TP53BP1: variants seen among roughly 807,000 people sequenced by gnomAD.
TP53BP1 encodes the protein tumor protein p53 binding protein 1.
TP53BP1 carries 61 observed loss-of-function variants against 200.8 expected under a neutral mutation model. That is an observed-to-expected ratio of 0.30 (90% CI 0.25 to 0.38). The LOEUF is 0.38. TP53BP1 is among the 10% of genes least tolerant of loss of function. The probability of loss-of-function intolerance (pLI) is 1.00; values close to 1 mark genes in which losing one functional copy is unlikely to be tolerated. For synonymous variants in TP53BP1, 822 were observed against 844.3 expected, an observed-to-expected ratio of 0.97 and a Z score of 0.46; for missense variants, 2,144 against 2,371.9, an observed-to-expected ratio of 0.90 and a Z score of 2.00.
At chr15:43,425,056 C>T (rs1434771051) in intron 18 of TP53BP1, among the ~76,000 whole-genome samples, 1 of 152,116 alleles carries the variant, frequency 6.6e-6, no homozygotes, top group Non-Finnish European at 1.5e-5. Flanking sequence ...AATGTGATAC[C>T]CTGTGTTGCC....
In TP53BP1 at chr15:43,420,445, T is replaced by C. The variant is rs1370979140; in HGVS notation, c.4541A>G (p.Asp1514Gly). ...GYFYSGKITR[D>G]VGAGKYKLLF... is the part of the protein sequence containing the mutation. Reference sequence around the variant, plus strand: ...CAATTTATACTTCCCAGCTCCGACATCTCGTGTGATTTTCCCAGAGTAAAA... The same window carrying C: ...CAATTTATACTTCCCAGCTCCGACACCTCGTGTGATTTTCCCAGAGTAAAA... The change falls in exon 21 of 28, where the codon GAT becomes GGT. Residue 1514 changes from aspartate (D) to glycine (G), a missense_variant. Asp to Gly is a moderately conservative substitution (Grantham distance 94). Around this residue, in one of 4 missense-constraint regions of TP53BP1, gnomAD observed 61 missense variants for 147.5 expected, o/e 0.41. Coordinates refer to ENST00000382044, the MANE Select transcript of TP53BP1 (RefSeq NM_001141980.3). 6.2e-7 allele frequency: 1 copy of C among 1,614,144 alleles called. No individual in the cohort carries two copies. Among genetic ancestry groups the C allele is most frequent in the Non-Finnish European group, 8.5e-7 (1 of 1,180,036 alleles).
upstream of TP53BP1, among the ~76,000 whole-genome samples, chr15:43,495,592 C>T (rs78331338): frequency 2.0e-5 from 3 of 151,330 alleles, no homozygotes; most frequent in East Asian, 2.0e-4. Flanking sequence ...CCAAGTCGGG[C>T]AGATCACGAG....
chr15:43,426,484 G>A (rs1018039307), intron 18 of TP53BP1, among the ~76,000 whole-genome samples: 6 of 147,180 alleles, frequency 4.1e-5, no homozygotes, highest in African/African-American at 2.5e-5. Flanking sequence ...ATTACTCAAT[G>A]AGTGTCTGTA....
intron 18 of TP53BP1, among the ~76,000 whole-genome samples, chr15:43,425,490 G>A (rs540004245): frequency 6.3e-4 from 96 of 152,250 alleles, no homozygotes; most frequent in African/African-American, 2.1e-3. Context: ...ATGTGGTAGC[G>A]TGTGCCTATG....
chr15:43,445,776 C>G (rs761549376), intron 14 of TP53BP1, among the ~76,000 whole-genome samples: 18 of 152,106 alleles, frequency 1.2e-4, no homozygotes, highest in Admixed American at 4.6e-4. Context: ...ATCTCCAGCC[C>G]CACTACCAAT....
At chr15:43,476,573 T>C (rs1015926501) in intron 8 of TP53BP1, among the ~76,000 whole-genome samples, 5 of 152,336 alleles carry the variant, frequency 3.3e-5, no homozygotes, top group Middle Eastern at 3.4e-3. Context: ...CCCTTAGCAA[T>C]AGATGGAGTA....
In TP53BP1 at chr15:43,407,197, A is replaced by AGAT. The variant is rs1381289731; in HGVS notation, c.*183_*185dup. 6 of 584,696 alleles carry AGAT rather than the reference A, an allele frequency of 1.0e-5. No homozygotes were observed. The South Asian group carries it at 1.1e-4, about 11-fold the overall frequency. 36.2% of individuals were successfully genotyped at this position (584,696 alleles called of 1,614,324 possible). A position where few individuals can be genotyped will look rare whatever the true frequency, so the allele number is the denominator to read the frequency against. ...GTTCTGAGATTAAGCTCAAAAAAAC[A>AGAT]GATGAAGAAATCCCAGTTACTACAA... On this transcript the variant is annotated 3_prime_UTR_variant, in exon 28 of 28. Transcript: ENST00000382044.
At chr15:43,413,746 G>A (rs1436608195) in intron 23 of TP53BP1, among the ~76,000 whole-genome samples, 1 of 151,300 alleles carries the variant, frequency 6.6e-6, no homozygotes, top group African/African-American at 2.4e-5. Context: ...CCCGTGCTCT[G>A]ATTTCCCCCA....
intron 15 of TP53BP1, among the ~76,000 whole-genome samples, chr15:43,440,995 A>T (rs1391817740): frequency 6.6e-6 from 1 of 152,248 alleles, no homozygotes; most frequent in Non-Finnish European, 1.5e-5. Context: ...GTATTCTCAC[A>T]GCCACCAGAT....
At chr15:43,484,810 A>G (rs2079023699) in intron 4 of TP53BP1, among the ~76,000 whole-genome samples, 1 of 151,446 alleles carries the variant, frequency 6.6e-6, no homozygotes, top group African/African-American at 2.4e-5. Context: ...GAGTGCAGTG[A>G]AGCAATCATG....
intron 17 of TP53BP1, among the ~76,000 whole-genome samples, chr15:43,429,970 A>G (rs1446698679): frequency 6.6e-6 from 1 of 152,206 alleles, no homozygotes; most frequent in East Asian, 1.9e-4. Flanking sequence ...TCCAGTTACA[A>G]CAGCCATATG....
chr15:43,460,999 G>A (rs2046415463), intron 11 of TP53BP1, among the ~76,000 whole-genome samples: 1 of 148,276 alleles, frequency 6.7e-6, no homozygotes, highest in African/African-American at 2.5e-5. Flanking sequence ...GTAAGACCCT[G>A]CCTCAAAAGG....
chr15:43,477,290 A>T (rs1595607736), intron 8 of TP53BP1, among the ~76,000 whole-genome samples: 1 of 140,290 alleles, frequency 7.1e-6, no homozygotes, highest in East Asian at 2.1e-4. Flanking sequence ...ACAGAGTGAG[A>T]CTCCATCTCA....
At chr15:43,474,519 G>C (rs1192440673) in intron 10 of TP53BP1, among the ~76,000 whole-genome samples, 154 bp downstream of exon 10, 1 of 150,972 alleles carries the variant, frequency 6.6e-6, no homozygotes, top group African/African-American at 2.4e-5. Context: ...CTTTACAGTA[G>C]GTCACATCCC....
chr15:43,456,282 A>C lies in TP53BP1; in HGVS notation c.2326T>G (p.Ser776Ala). Residue 776 changes from serine to alanine, a missense_variant, in exon 12 of 28, where the codon TCT (serine) becomes GCT (alanine). Coordinates refer to ENST00000382044, the MANE Select transcript of TP53BP1 (RefSeq NM_001141980.3). ...VKEPSPRVDV[S>A]CEPLEGVEKC... The stretch of plus-strand genomic sequence containing the variant: ...TCCACTCCCTCCAAAGGTTCACAAG[A>C]AACATCAACTCTGGGAGATGGCTCT... The C allele has an allele frequency of 1.2e-6, 2 of 1,614,194 alleles. No homozygotes were observed. The highest frequency in any genetic ancestry group is 1.7e-6 in the Non-Finnish European group (2 of 1,180,054).
At chr15:43,483,649 G>A (rs920222419) in intron 4 of TP53BP1, among the ~76,000 whole-genome samples, 1 of 152,146 alleles carries the variant, frequency 6.6e-6, no homozygotes, top group Non-Finnish European at 1.5e-5. Flanking sequence ...GCAAGTGAAA[G>A]AAGACTAAGT....
At chr15:43,441,067 A>G (rs979796528) in intron 15 of TP53BP1, among the ~76,000 whole-genome samples, 2 of 152,214 alleles carry the variant, frequency 1.3e-5, no homozygotes, top group Non-Finnish European at 2.9e-5. Context: ...GCATTACAAC[A>G]TCCATGACAA....
intron 21 of TP53BP1, among the ~76,000 whole-genome samples, chr15:43,417,883 G>A (rs1271450096): frequency 6.6e-6 from 1 of 152,146 alleles, no homozygotes; most frequent in Non-Finnish European, 1.5e-5. Flanking sequence ...GACTCCAACA[G>A]AAAGCCATTT....
chr15:43,428,282 G>C, intron 17 of TP53BP1, 114 bp from the exon 18 acceptor site: 9 of 907,378 alleles, frequency 9.9e-6, no homozygotes, highest in Non-Finnish European at 1.5e-5. Flanking sequence ...TAGTGTGACA[G>C]AATCTTCCTA....
Sources: allele counts gnomAD v4.1 joint callset (sites outside exome capture counted in the v4.1 genomes callset), GRCh38; gene constraint gnomAD v4.1.1; regional missense constraint gnomAD v4.1.1; transcripts MANE v1.5; gene names NCBI Gene and HGNC (gene_info 2026-07-23, HGNC 2026-07-21).